Variants in FNDC3B observed in about 807,000 individuals in gnomAD.
FNDC3B encodes fibronectin type III domain-containing protein 3B.
Under a neutral mutation model 151.5 loss-of-function variants are expected in FNDC3B, and 12 were observed. The observed-to-expected ratio is 0.08, with a 90% CI of 0.05 to 0.13. The LOEUF is 0.13. FNDC3B is among the 10% of genes least tolerant of loss of function. The pLI, the probability that FNDC3B is intolerant of heterozygous loss-of-function variation, is 1.00. For synonymous variants in FNDC3B, 528 were observed against 549.0 expected, an observed-to-expected ratio of 0.96 and a Z score of 0.54; for missense variants, 1,214 against 1,505.3, an observed-to-expected ratio of 0.81 and a Z score of 3.20.
At position 172,341,228 on chromosome 3, in the gene FNDC3B, C is replaced by T; in HGVS notation, c.1968C>T (p.Ser656=). The change falls in exon 17 of 26, where the codon AGC becomes AGT. Residue 656 remains serine, a synonymous_variant. Coordinates refer to ENST00000415807, the MANE Select transcript of FNDC3B (RefSeq NM_022763.4). ...RACCISTGGH[S]QCSESLPVRT... ...GCTGCATCAGTACCGGCGGACACAG[C>T]CAGGTTGGTTTTGTTTCCATATGAA... 1 of 1,612,216 alleles carries T rather than the reference C, an allele frequency of 6.2e-7. No homozygotes were observed. The highest frequency in any genetic ancestry group is 8.5e-7 in the Non-Finnish European group (1 of 1,178,246).
At chr3:172,245,538 G>A (rs560468560) in intron 4 of FNDC3B, among the ~76,000 whole-genome samples, 9 of 152,084 alleles carry the variant, frequency 5.9e-5, no homozygotes, top group African/African-American at 1.4e-4. Context: ...GTGTCAGATC[G>A]TAGGAAAAAA....
chr3:172,285,461 A>C (rs1729962795), intron 6 of FNDC3B, among the ~76,000 whole-genome samples: 1 of 152,236 alleles, frequency 6.6e-6, no homozygotes, highest in South Asian at 2.1e-4. Context: ...GAACGTAAAC[A>C]TGTGAACTTA....
chr3:172,383,621 C>T (rs926994303), intron 25 of FNDC3B, among the ~76,000 whole-genome samples: 1 of 152,094 alleles, frequency 6.6e-6, no homozygotes, highest in Non-Finnish European at 1.5e-5. Context: ...GGAGATTCAC[C>T]CTCCCAGGTG....
At chr3:172,340,407 T>A (rs1376490462) in intron 16 of FNDC3B, among the ~76,000 whole-genome samples, 3 of 151,278 alleles carry the variant, frequency 2.0e-5, no homozygotes, top group African/African-American at 7.3e-5. Flanking sequence ...TGCCTCAGCC[T>A]CCCAAGTAGC....
intron 11 of FNDC3B, among the ~76,000 whole-genome samples, chr3:172,314,143 G>A (rs1263419018): frequency 6.6e-6 from 1 of 152,140 alleles, no homozygotes; most frequent in Non-Finnish European, 1.5e-5. Context: ...TTAATAGAAG[G>A]CAGTGAGGCA....
intron 6 of FNDC3B, among the ~76,000 whole-genome samples, chr3:172,283,183 C>G (rs919556573): frequency 6.6e-6 from 1 of 152,056 alleles, no homozygotes; most frequent in Non-Finnish European, 1.5e-5. Flanking sequence ...GAGGACCTTT[C>G]CCTTGTATTT....
intron 1 of FNDC3B, among the ~76,000 whole-genome samples, chr3:172,044,700 T>C (rs1304276795): frequency 6.6e-6 from 1 of 152,206 alleles, no homozygotes; most frequent in African/African-American, 2.4e-5. Context: ...ATTTTCAGGA[T>C]AAGAACCATG....
chr3:172,256,666 G>A (rs1214279366), intron 6 of FNDC3B, among the ~76,000 whole-genome samples: 1 of 152,218 alleles, frequency 6.6e-6, no homozygotes, highest in African/African-American at 2.4e-5. Flanking sequence ...GTGGGATACA[G>A]TGAGTCAGGA....
At chr3:172,208,186 C>T (rs1278504388) in intron 3 of FNDC3B, among the ~76,000 whole-genome samples, 1 of 152,054 alleles carries the variant, frequency 6.6e-6, no homozygotes, top group Admixed American at 6.5e-5. Flanking sequence ...GTGATATGAA[C>T]ACCTGGGAAA....
At chr3:172,374,061 A>T (rs1170828559) in intron 23 of FNDC3B, among the ~76,000 whole-genome samples, 1 of 152,214 alleles carries the variant, frequency 6.6e-6, no homozygotes, top group Admixed American at 6.5e-5. Flanking sequence ...GAGCCGTCAA[A>T]TTCAGACCTC....
At chr3:172,051,638 C>T (rs1716659185) in intron 1 of FNDC3B, among the ~76,000 whole-genome samples, 1 of 152,132 alleles carries the variant, frequency 6.6e-6, no homozygotes, top group Non-Finnish European at 1.5e-5. Flanking sequence ...ATCAAAATCT[C>T]ATAAATCACC....
At chr3:172,046,995 T>C (rs1455401927) in intron 1 of FNDC3B, 1 of 152,180 alleles carries the variant, frequency 6.6e-6, no homozygotes, top group Admixed American at 6.6e-5. Flanking sequence ...AATAGTAAAA[T>C]TGGAGCACCT....
intron 6 of FNDC3B, among the ~76,000 whole-genome samples, chr3:172,272,084 A>G (rs1184587309): frequency 6.6e-6 from 1 of 152,240 alleles, no homozygotes; most frequent in East Asian, 1.9e-4. Flanking sequence ...ATATTCCAGC[A>G]GTCTAAACTA....
chr3:172,323,481 C>A (rs1324516439), intron 11 of FNDC3B, among the ~76,000 whole-genome samples: 2 of 152,180 alleles, frequency 1.3e-5, no homozygotes, highest in African/African-American at 4.8e-5. Context: ...TGTACCACTG[C>A]TCTCTAGCCT....
intron 23 of FNDC3B, among the ~76,000 whole-genome samples, chr3:172,369,667 C>T (rs563353038): frequency 6.6e-6 from 1 of 152,086 alleles, no homozygotes; most frequent in Non-Finnish European, 1.5e-5. Context: ...CCTCTTTTCT[C>T]AATAGCTGTT....
intron 3 of FNDC3B, among the ~76,000 whole-genome samples, chr3:172,205,855 A>G (rs1286170777): frequency 6.6e-6 from 1 of 152,166 alleles, no homozygotes; most frequent in Non-Finnish European, 1.5e-5. Flanking sequence ...TATTATTATA[A>G]ATTGGTTGAA....
intron 16 of FNDC3B, among the ~76,000 whole-genome samples, chr3:172,340,124 C>T (rs879295444): frequency 1.3e-5 from 2 of 152,176 alleles, no homozygotes; most frequent in Admixed American, 6.5e-5. Flanking sequence ...GTCAGGCAGG[C>T]GGCTGAGGCA....
At chr3:172,306,810 T>G (rs1731222929) in intron 9 of FNDC3B, 1 of 152,738 alleles carries the variant, frequency 6.5e-6, no homozygotes, top group East Asian at 1.9e-4. Flanking sequence ...CTGAACATTG[T>G]TTTTGTGGAA....
intron 1 of FNDC3B, among the ~76,000 whole-genome samples, chr3:172,051,801 C>G (rs1716667482): frequency 6.6e-6 from 1 of 152,048 alleles, no homozygotes; most frequent in South Asian, 2.1e-4. Flanking sequence ...GTAGTGCAAA[C>G]CTAGCTTTTT....
Sources: allele counts gnomAD v4.1 joint callset (sites outside exome capture counted in the v4.1 genomes callset), GRCh38; gene constraint gnomAD v4.1.1; transcripts MANE v1.5; gene names NCBI Gene and HGNC (gene_info 2026-07-23, HGNC 2026-07-21).